The following FARP2 variants were observed in gnomAD, a reference collection of about 807,000 sequenced individuals.
The protein encoded by FARP2 is FERM, ARH/RhoGEF and pleckstrin domain protein 2, also known as FERM, ARHGEF and pleckstrin domain-containing protein 2.
A neutral mutation model predicts 130.5 loss-of-function variants in FARP2; 111 were observed. That is an observed-to-expected ratio of 0.85 (90% CI 0.73 to 1.00). The LOEUF is 1.00. Ranked by LOEUF, FARP2 falls within the 50% of genes least tolerant of loss-of-function variation. The probability of loss-of-function intolerance (pLI) is 0.00; values close to 1 mark genes in which losing one functional copy is unlikely to be tolerated. For missense variants in FARP2, 1,385 were observed against 1,346.3 expected, an observed-to-expected ratio of 1.03 and a Z score of -0.45; for synonymous variants, 504 against 516.9, an observed-to-expected ratio of 0.98 and a Z score of 0.34.
chr2:241,427,178 T>A (rs1371919018), intron 8 of FARP2, among the ~76,000 whole-genome samples: 1 of 152,102 alleles, frequency 6.6e-6, no homozygotes, highest in Non-Finnish European at 1.5e-5. Flanking sequence ...GAGGTTACAG[T>A]GAGCCAAGAT....
intron 13 of FARP2, among the ~76,000 whole-genome samples, chr2:241,455,416 T>C (rs2063803736): frequency 6.6e-6 from 1 of 152,212 alleles, no homozygotes; most frequent in African/African-American, 2.4e-5. Flanking sequence ...GTCTCACTCT[T>C]GTTGCCCAGG....
chr2:241,424,560 A>C (rs1335624470), intron 8 of FARP2, among the ~76,000 whole-genome samples: 1 of 152,196 alleles, frequency 6.6e-6, no homozygotes, highest in Non-Finnish European at 1.5e-5. Context: ...CTAAAAAATC[A>C]AGAGCAAACA....
intron 2 of FARP2, among the ~76,000 whole-genome samples, chr2:241,402,507 C>G (rs906082949): frequency 2.6e-5 from 4 of 151,980 alleles, no homozygotes; most frequent in African/African-American, 9.7e-5. Context: ...ATGTTTTTCA[C>G]TTTTATTTAA....
At position 241,417,980 on chromosome 2, in the gene FARP2, G is replaced by C. The variant is rs770463969; in HGVS notation, c.642G>C (p.Glu214Asp). 1.2e-6 allele frequency: 2 copies of C among 1,614,202 alleles called. No individual in the cohort carries two copies. The highest frequency in any genetic ancestry group is 1.7e-6 in the Non-Finnish European group (2 of 1,180,050). Residue 214 changes from glutamate (E) to aspartate (D), a missense_variant, in exon 8 of 27, where the codon GAG (glutamate) becomes GAC (aspartate). Glu to Asp is a conservative substitution (Grantham distance 45). Transcript: ENST00000264042. Reference protein sequence around the residue: ...HQKHVGQTPAESDFQVLEIAR... With the variant: ...HQKHVGQTPADSDFQVLEIAR... ...ATTACAGGGGCCAGACACCTGCTGA[G>C]TCGGATTTCCAGGTGCTCGAAATTG...
chr2:241,373,286 T>A lies in FARP2; in HGVS notation c.179T>A (p.Ile60Asn). 2.8e-6 allele frequency: 4 copies of A among 1,435,476 alleles called. No individual in the cohort carries two copies. Among genetic ancestry groups the A allele is most frequent in the Non-Finnish European group, 3.7e-6 (4 of 1,080,632 alleles). 88.9% of individuals were successfully genotyped at this position (1,435,476 alleles called of 1,614,324 possible). ...GACAACACCATGGAAATATTTGACA[T>A]TGAGGTAAGAAGCATGATTTTTGGA... is the stretch of plus-strand genomic sequence containing the variant. ...LLDNTMEIFDIEPKCDGQVLL... is the reference protein window; with the variant it reads ...LLDNTMEIFDNEPKCDGQVLL... Residue 60 changes from isoleucine (I) to asparagine (N), a missense_variant, in exon 2 of 27, where the codon ATT becomes AAT. Coordinates refer to ENST00000264042, the MANE Select transcript of FARP2 (RefSeq NM_014808.4).
At chr2:241,387,131 G>A (rs2061803131) in intron 2 of FARP2, 1 of 152,190 alleles carries the variant, frequency 6.6e-6, no homozygotes, top group Non-Finnish European at 1.5e-5. Context: ...TGTCTGCGTT[G>A]TTTTATTCGG....
At position 241,493,305 on chromosome 2, in the gene FARP2, C is replaced by T. The variant is rs2064998459; in HGVS notation, c.2908C>T (p.Leu970=). The T allele has an allele frequency of 3.7e-6, 6 of 1,613,732 alleles. No individual in the cohort carries two copies. The highest frequency in any genetic ancestry group is 2.7e-5 in the African/African-American group (2 of 74,948). ...TGCTGTCTTGCAGGATGACTACCCA[C>T]TGGCCAGCCTCCCGCTGCTGGGCTA... The part of the protein sequence containing the change: ...FYKTHQDDYP[L]ASLPLLGYSV... The change falls in exon 26 of 27, where the codon CTG becomes TTG. Residue 970 remains leucine, a synonymous_variant. Transcript: ENST00000264042.
intron 4 of FARP2, among the ~76,000 whole-genome samples, chr2:241,406,620 G>T (rs780013272): frequency 1.3e-5 from 2 of 149,996 alleles, no homozygotes. Flanking sequence ...CTAATTTGGG[G>T]TTTTTTTGGG....
At position 241,459,034 on chromosome 2, in the gene FARP2, C is replaced by T. The variant is rs960990062; in HGVS notation, c.1587+2112C>T. Among the ~76,000 whole-genome samples the T allele has an allele frequency of 6.6e-6, 1 of 152,246 alleles. No homozygotes were observed. The highest frequency in any genetic ancestry group is 2.4e-5 in the African/African-American group (1 of 41,464). ...AGCCCTGACGTGGTGTCTCCTGTTG[C>T]CTCTCCTCAACACCTGGGCTCTGGA... On this transcript the variant is annotated intron_variant, in intron 14 of 26. Transcript: ENST00000264042. This position sits in a 1 kb window ranked among gnomAD's most constrained non-coding sequence, Gnocchi z 5.3.
chr2:241,476,255 C>T (rs1007874080), intron 19 of FARP2, among the ~76,000 whole-genome samples: 11 of 149,478 alleles, frequency 7.4e-5, no homozygotes, highest in East Asian at 2.0e-4. Context: ...GGTGTGGTGG[C>T]GCACACCTGT....
rs186765872 is a variant in FARP2 at position 241,493,451 on chromosome 2, T to G, written c.3047+7T>G. The G allele has an allele frequency of 9.3e-6, 15 of 1,613,636 alleles. No individual in the cohort carries two copies. The Admixed American group carries it at 2.0e-4, about 22-fold the overall frequency. On this transcript the variant is annotated splice_region_variant and intron_variant, in intron 26 of 26. Coordinates refer to ENST00000264042, the MANE Select transcript of FARP2 (RefSeq NM_014808.4). ...GCAAGTACACATTTGAAAGGTAATT[T>G]TGCAGGAGGCAGCCCTGGTCAGCTG...
Position 241,471,696 on chromosome 2 carries a change from C to T in FARP2, c.2131+3319C>T, listed in dbSNP as rs1009930274. ...ATTTTTAATAGAGACGGGGTTTCAC[C>T]GTGTTAGCCAGGATGGTCTCGATCT... On this transcript the variant is annotated intron_variant, in intron 18 of 26. Transcript: ENST00000264042. Among the ~76,000 whole-genome samples, 5 of 151,842 alleles carry T rather than the reference C, an allele frequency of 3.3e-5. 1 individual carries two copies. Among genetic ancestry groups the T allele is most frequent in the South Asian group, 4.1e-4 (2 of 4,826 alleles).
At chr2:241,440,163 CT>C (rs1574829953) in intron 12 of FARP2, among the ~76,000 whole-genome samples, 3 of 152,150 alleles carry the variant, frequency 2.0e-5, no homozygotes, top group African/African-American at 7.2e-5. Flanking sequence ...TACATTTGCA[CT>C]TTTTACATAT....
At chr2:241,385,063 A>T (rs2061753008) in intron 2 of FARP2, among the ~76,000 whole-genome samples, 1 of 152,238 alleles carries the variant, frequency 6.6e-6, no homozygotes. Flanking sequence ...TGTTAGCTTA[A>T]CATAAGCAAA....
chr2:241,464,988 A>G (rs2064131834), intron 17 of FARP2, among the ~76,000 whole-genome samples: 1 of 152,094 alleles, frequency 6.6e-6, no homozygotes, highest in Admixed American at 6.5e-5. Context: ...CATACCCCTC[A>G]CAACAGGGTC....
At chr2:241,406,838 C>T (rs1419597149) in intron 4 of FARP2, among the ~76,000 whole-genome samples, 6 of 152,048 alleles carry the variant, frequency 3.9e-5, no homozygotes, top group Non-Finnish European at 7.3e-5. Context: ...GACGGAGTCT[C>T]GCTCTGTCGC....
intron 20 of FARP2, chr2:241,483,923 A>G (rs2064689300): frequency 4.1e-6 from 4 of 985,366 alleles, no homozygotes; most frequent in Non-Finnish European, 4.8e-6. Context: ...CCTTGTTCCT[A>G]CCAGTTAGTG....
At position 241,397,791 on chromosome 2, in the gene FARP2, C is replaced by G. The variant is rs149983787; in HGVS notation, c.184-6037C>G. On this transcript the variant is annotated intron_variant, in intron 2 of 26. Coordinates refer to ENST00000264042, the MANE Select transcript of FARP2 (RefSeq NM_014808.4). ...AGGATTATTATAAAATGTGAAAGAT[C>G]AATTTTCATGAACTCCAAAGGTTTT... Among the ~76,000 whole-genome samples, 77 of 149,622 alleles carry G rather than the reference C, an allele frequency of 5.1e-4. 1 individual carries two copies. The East Asian group carries it at 0.013, about 26-fold the overall frequency.
chr2:241,412,171 A>G (rs1354107846), intron 6 of FARP2, among the ~76,000 whole-genome samples: 1 of 152,184 alleles, frequency 6.6e-6, no homozygotes, highest in Non-Finnish European at 1.5e-5. Context: ...CTGCTGATAG[A>G]GATGTGGCGG....
Sources: gnomAD v4.1 joint callset for allele counts (sites outside exome capture counted in the v4.1 genomes callset) on GRCh38, gnomAD v4.1.1 for gene constraint, Gnocchi (gnomAD v3.1) non-coding constraint, MANE v1.5 for transcripts, NCBI Gene and HGNC (gene_info 2026-07-23, HGNC 2026-07-21) for gene names.